The following GIT1 variants were observed in gnomAD, a reference collection of about 807,000 sequenced individuals.
GIT1 encodes ARF GTPase-activating protein GIT1.
Under a neutral mutation model 91.7 loss-of-function variants are expected in GIT1, and 14 were observed. That is an observed-to-expected ratio of 0.15 (90% CI 0.10 to 0.24). GIT1 has a LOEUF of 0.24. GIT1 is among the 10% of genes least tolerant of loss of function. GIT1 has a pLI of 1.00. For missense variants in GIT1, 717 were observed against 1,024.9 expected (o/e 0.70, Z 4.10); for synonymous variants, 414 against 418.2 (o/e 0.99, Z 0.12).
chr17:29,574,986 G>C, intron 19 of GIT1, 72 bp from the exon 20 acceptor site: 1 of 1,484,664 alleles, frequency 6.7e-7, no homozygotes, highest in Non-Finnish European at 9.2e-7. Context: ...CAGTTTGTCT[G>C]TGTCTCCACC....
rs964543822 is a variant in GIT1 at position 29,578,450 on chromosome 17, G to A, written c.811-79C>T. 13 of 1,346,876 alleles carry A rather than the reference G, an allele frequency of 9.7e-6. No individual in the cohort carries two copies. The African/African-American group carries it at 1.0e-4, about 10-fold the overall frequency. The allele number at this position is 1,346,876 out of a possible 1,614,324, so 83.4% of individuals were successfully genotyped here. On this transcript the variant is annotated intron_variant, in intron 8 of 19. Coordinates refer to ENST00000225394, the MANE Select transcript of GIT1 (RefSeq NM_014030.4). ...AGGCCAGCTCCCCAGCATGTTGTGA[G>A]CCTTGGGGAACCGGTGGCCTTCCTT...
intron 7 of GIT1, chr17:29,579,065 T>G: frequency 1.5e-6 from 2 of 1,330,102 alleles, no homozygotes; most frequent in Middle Eastern, 1.8e-4. Context: ...AGCACACGCC[T>G]TTTCACATCA....
chr17:29,580,753 G>A (rs1318156859), intron 7 of GIT1, among the ~76,000 whole-genome samples: 9 of 151,958 alleles, frequency 5.9e-5, no homozygotes, highest in South Asian at 2.1e-4. Context: ...CCTCCCAGCC[G>A]GAGGTAGCTT....
chr17:29,578,222 A>T, intron 9 of GIT1, 77 bp downstream of exon 9: 2 of 1,196,764 alleles, frequency 1.7e-6, no homozygotes, highest in Non-Finnish European at 2.5e-6. Context: ...ACCCCTTCTT[A>T]GCCCAGTAAA....
chr17:29,580,617 A>G (rs943671950), intron 7 of GIT1, among the ~76,000 whole-genome samples: 6 of 152,208 alleles, frequency 3.9e-5, no homozygotes, highest in Non-Finnish European at 8.8e-5. Flanking sequence ...TGAGCACGCT[A>G]GAGGCCTAGC....
At position 29,574,514 on chromosome 17, in the gene GIT1, C is replaced by G. The variant is rs1319815277; in HGVS notation, c.*188G>C. 1.5e-6 allele frequency: 1 copy of G among 647,950 alleles called. No homozygotes were observed. The highest frequency in any genetic ancestry group is 1.9e-5 in the African/African-American group (1 of 52,010). 40.1% of individuals were successfully genotyped at this position (647,950 alleles called of 1,614,324 possible). On this transcript the variant is annotated 3_prime_UTR_variant, in exon 20 of 20. Transcript: ENST00000225394. ...GAATGTGGGGGACAGAAGCTCCTGCCCCCCCACCTCCCCATCCTTAGGGGC... is the reference window on the plus strand; with the variant it reads ...GAATGTGGGGGACAGAAGCTCCTGCGCCCCCACCTCCCCATCCTTAGGGGC...
chr17:29,583,429 G>C, intron 2 of GIT1, 54 bp downstream of exon 2: 1 of 1,587,678 alleles, frequency 6.3e-7, no homozygotes, highest in East Asian at 2.2e-5. Flanking sequence ...ACGCCCTCAT[G>C]CTCAGCACAC....
At chr17:29,577,335 T>A in intron 10 of GIT1, 88 bp from the exon 11 acceptor site, 2 of 1,015,162 alleles carry the variant, frequency 2.0e-6, no homozygotes, top group Non-Finnish European at 3.0e-6. Context: ...GGCATGGCTC[T>A]GCCATTTAAT....
chr17:29,589,383 A>G lies in GIT1; in HGVS notation c.-5T>C. 9.5e-7 allele frequency: 1 copy of G among 1,055,064 alleles called. No homozygotes were observed. Among genetic ancestry groups the G allele is most frequent in the Non-Finnish European group, 1.2e-6 (1 of 867,526 alleles). 65.4% of individuals were successfully genotyped at this position (1,055,064 alleles called of 1,614,324 possible). A position where few individuals can be genotyped will look rare whatever the true frequency, so the allele number is the denominator to read the frequency against. ...TCGCGGCCCCTTTCGGGACATCCTC[A>G]GCGGCGACGCGGCCGCAGCCCTCTG... is the stretch of plus-strand genomic sequence containing the variant. On this transcript the variant is annotated 5_prime_UTR_variant, in exon 1 of 20. Coordinates refer to ENST00000225394, the MANE Select transcript of GIT1 (RefSeq NM_014030.4). This position sits in a 1 kb window ranked among gnomAD's most constrained non-coding sequence, Gnocchi z 5.2.
At chr17:29,579,636 C>G (rs935121405) in intron 7 of GIT1, among the ~76,000 whole-genome samples, 1 of 151,810 alleles carries the variant, frequency 6.6e-6, no homozygotes, top group African/African-American at 2.4e-5. Flanking sequence ...ACTCAAGAGG[C>G]TATGGTAGGA....
At position 29,574,512 on chromosome 17, in the gene GIT1, G is replaced by GT. The variant is rs1555573229; in HGVS notation, c.*189_*190insA. Reference sequence around the variant, plus strand: ...TGGAATGTGGGGGACAGAAGCTCCTGCCCCCCCACCTCCCCATCCTTAGGG... The same window carrying GT: ...TGGAATGTGGGGGACAGAAGCTCCTGTCCCCCCCACCTCCCCATCCTTAGGG... On this transcript the variant is annotated 3_prime_UTR_variant, in exon 20 of 20. Coordinates refer to ENST00000225394, the MANE Select transcript of GIT1 (RefSeq NM_014030.4). The GT allele has an allele frequency of 9.3e-6, 6 of 644,970 alleles. No individual in the cohort carries two copies. Among genetic ancestry groups the GT allele is most frequent in the Middle Eastern group, 2.8e-4 (1 of 3,578 alleles). 40.0% of individuals were successfully genotyped at this position (644,970 alleles called of 1,614,324 possible).
chr17:29,589,433 C>G lies in GIT1; in HGVS notation c.-55G>C. ...GGGCCAGCGTGGGGGGCGCGGGCGG[C>G]GGGCCCGGGCGGCGGCGGCGGCCCC... On this transcript the variant is annotated 5_prime_UTR_variant, in exon 1 of 20. Coordinates refer to ENST00000225394, the MANE Select transcript of GIT1 (RefSeq NM_014030.4). This position sits in a 1 kb window ranked among gnomAD's most constrained non-coding sequence, Gnocchi z 5.2. The G allele has an allele frequency of 2.6e-6, 2 of 760,156 alleles. No individual in the cohort carries two copies. Among genetic ancestry groups the G allele is most frequent in the South Asian group, 1.1e-4 (2 of 17,636 alleles). The allele number at this position is 760,156 out of a possible 1,614,324, so 47.1% of individuals were successfully genotyped here.
intron 1 of GIT1, among the ~76,000 whole-genome samples, chr17:29,587,073 G>A (rs2033616782): frequency 6.6e-6 from 1 of 152,166 alleles, no homozygotes; most frequent in Admixed American, 6.5e-5. Flanking sequence ...CCCCACTCCT[G>A]TGGTTAGGAC....
At chr17:29,577,538 C>A (rs2033255002) in intron 10 of GIT1, 107 bp downstream of exon 10, 2 of 798,148 alleles carry the variant, frequency 2.5e-6, no homozygotes, top group South Asian at 3.0e-5. Flanking sequence ...CTGAGGGAGG[C>A]CCTGGCAAAT....
chr17:29,582,855 C>T (rs974235789), intron 3 of GIT1, 52 bp from the exon 4 acceptor site: 2 of 1,557,922 alleles, frequency 1.3e-6, no homozygotes, highest in Middle Eastern at 1.7e-4. Context: ...AGGGTGGTCA[C>T]CTTGCCACCT....
At chr17:29,578,138 T>C (rs1451808505) in intron 9 of GIT1, among the ~76,000 whole-genome samples, 161 bp downstream of exon 9, 1 of 152,152 alleles carries the variant, frequency 6.6e-6, no homozygotes, top group Non-Finnish European at 1.5e-5. Context: ...CTACCCAGCC[T>C]GGGATGCTGC....
rs893312330 is a variant in GIT1 at position 29,582,991 on chromosome 17, T to C, written c.233A>G (p.His78Arg). The C allele has an allele frequency of 2.5e-6, 4 of 1,611,822 alleles. No individual in the cohort carries two copies. Among genetic ancestry groups the C allele is most frequent in the Non-Finnish European group, 3.4e-6 (4 of 1,179,800 alleles). Reference sequence around the variant, plus strand: ...CACTTGTGCGGGGTCCAGCAGGGAGTGCTCCCAGATGGAGTTGGCCCCGTT... The same window carrying C: ...CACTTGTGCGGGGTCCAGCAGGGAGCGCTCCCAGATGGAGTTGGCCCCGTT... ...ASNGANSIWE[H>R]SLLDPAQVQS... is the part of the protein sequence containing the mutation. Residue 78 changes from histidine (H) to arginine (R), a missense_variant, in exon 3 of 20, where the codon CAC becomes CGC. By Grantham distance (29) the His-to-Arg change is conservative. Around this residue, in one of 3 missense-constraint regions of GIT1, gnomAD observed 271 missense variants for 451.6 expected, o/e 0.60. Transcript: ENST00000225394.
At position 29,575,039 on chromosome 17, in the gene GIT1, G is replaced by A. The variant is rs1264043987; in HGVS notation, c.2073+40C>T. On this transcript the variant is annotated intron_variant, in intron 19 of 19. Coordinates refer to ENST00000225394, the MANE Select transcript of GIT1 (RefSeq NM_014030.4). The surrounding 1 kb of genome is among the most constrained non-coding windows in gnomAD (Gnocchi z 5.5). Reference sequence around the variant, plus strand: ...GGATTCTCCACGCCTGCCCCAGCTCGAGGCCCTCCCACTCCTGGTCCTCTC... The same window carrying A: ...GGATTCTCCACGCCTGCCCCAGCTCAAGGCCCTCCCACTCCTGGTCCTCTC... 3.3e-6 allele frequency: 5 copies of A among 1,523,044 alleles called. No homozygotes were observed. Among genetic ancestry groups the A allele is most frequent in the Non-Finnish European group, 4.5e-6 (5 of 1,116,558 alleles). 94.3% of individuals were successfully genotyped at this position (1,523,044 alleles called of 1,614,324 possible).
chr17:29,582,800 G>A lies in GIT1; in HGVS notation c.303C>T (p.Pro101=). The A allele has an allele frequency of 6.2e-7, 1 of 1,610,948 alleles. No homozygotes were observed. Among genetic ancestry groups the A allele is most frequent in the Non-Finnish European group, 8.5e-7 (1 of 1,177,554 alleles). Residue 101 remains proline, a synonymous_variant, in exon 4 of 20, where the codon CCC becomes CCT. Transcript: ENST00000225394. The part of the protein sequence containing the change: ...RKANPQDKVH[P]IKSEFIRAKY... ...TGGCCCTGATGAACTCTGACTTGATGGGGCTGCATGGGGCACACAGGAGGA... is the reference window on the plus strand; with the variant it reads ...TGGCCCTGATGAACTCTGACTTGATAGGGCTGCATGGGGCACACAGGAGGA...
Sources: gnomAD v4.1 joint callset for allele counts (sites outside exome capture counted in the v4.1 genomes callset) on GRCh38, gnomAD v4.1.1 for gene constraint, gnomAD v4.1.1 regional missense constraint, Gnocchi (gnomAD v3.1) non-coding constraint, MANE v1.5 for transcripts, NCBI Gene and HGNC (gene_info 2026-07-23, HGNC 2026-07-21) for gene names.